SIN3A: variants seen among roughly 807,000 people sequenced by gnomAD.
The protein encoded by SIN3A is SIN3 transcription regulator family member A, also known as paired amphipathic helix protein Sin3a.
Under a neutral mutation model 146.1 loss-of-function variants are expected in SIN3A, and 14 were observed. The observed-to-expected ratio is 0.10, with a 90% confidence interval of 0.06 to 0.15. The LOEUF (loss-of-function observed/expected upper bound fraction) is 0.15. Among genes scored for constraint, SIN3A ranks in the 10% least tolerant of loss-of-function variants. SIN3A has a pLI of 1.00. For missense variants in SIN3A, 1,028 were observed against 1,576.0 expected (o/e 0.65, Z 5.89); for synonymous variants, 572 against 572.0 (o/e 1.00, Z 0.00).
intron 16 of SIN3A, among the ~76,000 whole-genome samples, chr15:75,387,917 A>G (rs2073122840): frequency 6.6e-6 from 1 of 152,066 alleles, no homozygotes; most frequent in African/African-American, 2.4e-5. Flanking sequence ...CTCTTATGGG[A>G]AGGCCTAACA....
Position 75,422,740 on chromosome 15 carries a change from C to T in SIN3A, c.273G>A (p.Val91=). Reference sequence around the variant, plus strand: ...GGACCACCTGGCCTCCGTGGGGCTGCACCGCTGTTGGGTGATGATGGCTGC... The same window carrying T: ...GGACCACCTGGCCTCCGTGGGGCTGTACCGCTGTTGGGTGATGATGGCTGC... The part of the protein sequence containing the change: ...VHSSHHHPTA[V]QPHGGQVVQS... Residue 91 remains valine (V), a synonymous_variant, in exon 3 of 21, where the codon GTG becomes GTA. Transcript: ENST00000394947. 1.2e-6 allele frequency: 2 copies of T among 1,614,208 alleles called. No individual in the cohort carries two copies. Among genetic ancestry groups the T allele is most frequent in the Admixed American group, 3.3e-5 (2 of 60,012 alleles).
Position 75,445,211 on chromosome 15 carries a change from T to C in SIN3A, c.-34+6212A>G, listed in dbSNP as rs543631029. The stretch of plus-strand genomic sequence containing the variant: ...GGCTGGTCAACGTGGTAAAACCCTG[T>C]CTCTACTAAAAATACAAAAAATTAG... On this transcript the variant is annotated intron_variant, in intron 1 of 20. Coordinates refer to ENST00000394947, the MANE Select transcript of SIN3A (RefSeq NM_001145358.2). Among the ~76,000 whole-genome samples, 5 of 149,320 alleles carry C rather than the reference T, an allele frequency of 3.3e-5. No homozygotes were observed. In the South Asian group the frequency reaches 1.1e-3, roughly 32 times the overall value.
intron 17 of SIN3A, 161 bp downstream of exon 17, chr15:75,384,103 G>A: frequency 6.5e-6 from 3 of 463,838 alleles, no homozygotes; most frequent in Non-Finnish European, 1.2e-5. Flanking sequence ...GATTGTCCAG[G>A]AAGACAATTA....
At chr15:75,445,633 C>T (rs1394808714) in intron 1 of SIN3A, among the ~76,000 whole-genome samples, 1 of 151,044 alleles carries the variant, frequency 6.6e-6, no homozygotes, top group Non-Finnish European at 1.5e-5. Flanking sequence ...ATCCCAGCTG[C>T]TCGGGAGGCT....
chr15:75,411,414 A>G, intron 6 of SIN3A, 78 bp downstream of exon 6: 2 of 1,402,266 alleles, frequency 1.4e-6, no homozygotes, highest in Admixed American at 2.0e-5. Context: ...TAATGGACAC[A>G]ATAATGGTTA....
chr15:75,446,604 G>A (rs2074311599), intron 1 of SIN3A, among the ~76,000 whole-genome samples: 1 of 151,584 alleles, frequency 6.6e-6, no homozygotes, highest in Non-Finnish European at 1.5e-5. Flanking sequence ...CAATCCTCCT[G>A]CCTCAGCCTC....
chr15:75,435,566 C>T (rs946943028), intron 1 of SIN3A, among the ~76,000 whole-genome samples: 2 of 151,874 alleles, frequency 1.3e-5, no homozygotes, highest in Non-Finnish European at 2.9e-5. Context: ...GGCGTGGTGG[C>T]GCATGCCTGT....
At chr15:75,441,045 C>T (rs910225599) in intron 1 of SIN3A, among the ~76,000 whole-genome samples, 5 of 150,580 alleles carry the variant, frequency 3.3e-5, no homozygotes, top group African/African-American at 1.2e-4. Flanking sequence ...CAGTGGCTCA[C>T]GCCTGTAATC....
intron 1 of SIN3A, among the ~76,000 whole-genome samples, chr15:75,445,382 A>G (rs1290116844): frequency 1.8e-5 from 1 of 55,810 alleles, no homozygotes; most frequent in African/African-American, 1.5e-4. Flanking sequence ...CACTGTCTCA[A>G]AAAAAAAAAA....
In SIN3A at chr15:75,371,842, C is replaced by A. The variant is rs1231100815; in HGVS notation, c.*137G>T. 2.8e-6 allele frequency: 2 copies of A among 719,928 alleles called. No homozygotes were observed. Among genetic ancestry groups the A allele is most frequent in the African/African-American group, 3.6e-5 (2 of 55,942 alleles). 44.6% of individuals were successfully genotyped at this position (719,928 alleles called of 1,614,324 possible). On this transcript the variant is annotated 3_prime_UTR_variant, in exon 21 of 21. Coordinates refer to ENST00000394947, the MANE Select transcript of SIN3A (RefSeq NM_001145358.2). ...TTGGTGCCAGGCTGCACCAGCCACA[C>A]ACAGGTCAGGTGGCCATGTCCCAGA...
intron 19 of SIN3A, among the ~76,000 whole-genome samples, chr15:75,376,979 A>G (rs1225077213): frequency 6.6e-6 from 1 of 152,132 alleles, no homozygotes; most frequent in East Asian, 1.9e-4. Flanking sequence ...GGACCCTTTC[A>G]GGAGATCTGT....
intron 3 of SIN3A, chr15:75,422,417 C>T (rs2073854861): frequency 3.3e-6 from 2 of 606,884 alleles, no homozygotes; most frequent in South Asian, 2.0e-5. Context: ...AACATTTGAC[C>T]GACATGCATT....
In SIN3A at chr15:75,430,356, T is replaced by G. The variant is rs1368580455; in HGVS notation, c.20A>C (p.Asp7Ala). 1.9e-6 allele frequency: 3 copies of G among 1,612,138 alleles called. No homozygotes were observed. In the African/African-American group the frequency reaches 4.0e-5, roughly 22 times the overall value. ...GGCTGCATACACCGGTGACTCCTGG[T>G]CATCCAAACGCCGCTTCATTCTGTG... is the stretch of plus-strand genomic sequence containing the variant. MKRRLD[D>A]QESPVYAAQQ... Residue 7 changes from aspartate to alanine, a missense_variant, in exon 2 of 21, where the codon GAC becomes GCC. By Grantham distance (126) the Asp-to-Ala change is moderately radical. This residue lies in a region of SIN3A where 152 missense variants were observed against 231.5 expected (regional missense o/e 0.66). Coordinates refer to ENST00000394947, the MANE Select transcript of SIN3A (RefSeq NM_001145358.2).
At chr15:75,431,334 T>C (rs1300637869) in intron 1 of SIN3A, among the ~76,000 whole-genome samples, 1 of 152,198 alleles carries the variant, frequency 6.6e-6, no homozygotes, top group African/African-American at 2.4e-5. Context: ...GTTTTAACAG[T>C]TATAAGAAGA....
chr15:75,454,110 G>A (rs992060223), upstream of SIN3A, among the ~76,000 whole-genome samples: 2 of 152,128 alleles, frequency 1.3e-5, no homozygotes, highest in Non-Finnish European at 2.9e-5. Context: ...AGAGGCGGGG[G>A]CGGGACCTTG....
chr15:75,400,094 G>A lies in SIN3A; in HGVS notation c.1800C>T (p.Ser600=), dbSNP rs758424982. 5 of 1,612,204 alleles carry A rather than the reference G, an allele frequency of 3.1e-6. No homozygotes were observed. The African/African-American group carries it at 6.7e-5, about 22-fold the overall frequency. Residue 600 remains serine (S), a synonymous_variant, in exon 12 of 21, where the codon TCC becomes TCT. Transcript: ENST00000394947. ...SWSEDSTFVS[S]KKTQYEEHIY... ...TATGTTCTTCATATTGAGTCTTCTT[G>A]GAACTCACAAAGGTAGAGTCCTCAG... is the stretch of plus-strand genomic sequence containing the variant.
chr15:75,451,755 A>C (rs963066586), upstream of SIN3A: 1 of 151,470 alleles, frequency 6.6e-6, no homozygotes, highest in South Asian at 2.1e-4. Context: ...CTTCGTTCCA[A>C]TACAGGACGC....
intron 3 of SIN3A, chr15:75,416,116 A>C (rs1490372979): frequency 9.9e-6 from 2 of 202,458 alleles, no homozygotes; most frequent in Admixed American, 5.0e-5. Context: ...CCATTGTTTA[A>C]ATCAAGCTTT....
chr15:75,376,079 C>T (rs1203076707), intron 19 of SIN3A: 3 of 600,022 alleles, frequency 5.0e-6, no homozygotes, highest in Non-Finnish European at 8.8e-6. Flanking sequence ...CACCCATCCC[C>T]TACTTGACTT....
Sources: gnomAD v4.1 joint callset for allele counts (sites outside exome capture counted in the v4.1 genomes callset) on GRCh38, gnomAD v4.1.1 for gene constraint, gnomAD v4.1.1 regional missense constraint, MANE v1.5 for transcripts, NCBI Gene and HGNC (gene_info 2026-07-23, HGNC 2026-07-21) for gene names.